The following CTNNA3 variants were observed in gnomAD, a reference collection of about 807,000 sequenced individuals.
CTNNA3 encodes catenin alpha 3, also known as catenin alpha-3.
A neutral mutation model predicts 95.7 loss-of-function variants in CTNNA3; 76 were observed. The ratio of observed to expected loss-of-function variants is 0.79; its 90% CI spans 0.66 to 0.96. The LOEUF is 0.96. Among genes scored for constraint, CTNNA3 ranks in the 40% least tolerant of loss-of-function variants. The pLI, the probability that CTNNA3 is intolerant of heterozygous loss-of-function variation, is 0.00. For synonymous variants in CTNNA3, 431 were observed against 374.4 expected, an observed-to-expected ratio of 1.15 and a Z score of -1.74; for missense variants, 1,191 against 1,089.8, an observed-to-expected ratio of 1.09 and a Z score of -1.31.
intron 5 of CTNNA3, among the ~76,000 whole-genome samples, chr10:67,403,713 G>A (rs1286007245): frequency 1.3e-5 from 2 of 152,202 alleles, no homozygotes; most frequent in Admixed American, 1.3e-4. Flanking sequence ...AAAAACGCAG[G>A]AAGGCTGCTT....
chr10:66,567,093 G>GT (rs1842736098), intron 10 of CTNNA3, among the ~76,000 whole-genome samples: 1 of 24,280 alleles, frequency 4.1e-5, no homozygotes, highest in Admixed American at 5.0e-4. Flanking sequence ...GAGTGGGGAG[G>GT]GGTTTAGGTG....
chr10:66,056,446 G>C (rs556960287), intron 15 of CTNNA3, among the ~76,000 whole-genome samples: 1 of 152,014 alleles, frequency 6.6e-6, no homozygotes, highest in African/African-American at 2.4e-5. Context: ...ATTTTGTTGA[G>C]TATTTTTTTT....
intron 15 of CTNNA3, among the ~76,000 whole-genome samples, chr10:66,012,562 A>T (rs1025262362): frequency 1.3e-5 from 2 of 152,238 alleles, no homozygotes; most frequent in African/African-American, 4.8e-5. Flanking sequence ...CTGCATAAAA[A>T]ATACATAATC....
At chr10:67,162,075 A>G (rs1861573400) in intron 7 of CTNNA3, among the ~76,000 whole-genome samples, 1 of 152,096 alleles carries the variant, frequency 6.6e-6, no homozygotes, top group Non-Finnish European at 1.5e-5. Flanking sequence ...ATTCACAGTT[A>G]TAGCTGTAGA....
intron 3 of CTNNA3, among the ~76,000 whole-genome samples, chr10:67,592,374 A>T (rs563581572): frequency 6.6e-5 from 10 of 152,136 alleles, no homozygotes; most frequent in Non-Finnish European, 1.3e-4. Flanking sequence ...TGGGGGCAGC[A>T]GGAGTAAAAT....
intron 4 of CTNNA3, among the ~76,000 whole-genome samples, chr10:67,538,156 C>CAAAAAAAAAAAAA (rs1840543268): frequency 4.3e-5 from 1 of 23,146 alleles, no homozygotes; most frequent in African/African-American, 2.8e-4. Flanking sequence ...GCTACTTAAA[C>CAAAAAAAAAAAAA]TAAAAAAAAA....
At chr10:67,298,537 G>C (rs1840135624) in intron 5 of CTNNA3, among the ~76,000 whole-genome samples, 1 of 152,158 alleles carries the variant, frequency 6.6e-6, no homozygotes, top group South Asian at 2.1e-4. Flanking sequence ...CTGCCTGTTA[G>C]GCCGAATTAG....
At chr10:67,188,653 A>G (rs778919036) in intron 6 of CTNNA3, among the ~76,000 whole-genome samples, 3 of 152,206 alleles carry the variant, frequency 2.0e-5, no homozygotes, top group Non-Finnish European at 2.9e-5. Context: ...TATATATCCA[A>G]GGGAAATGAA....
chr10:67,708,943 ATAC>A (rs1589577531), intron 1 of CTNNA3, among the ~76,000 whole-genome samples: 1 of 151,660 alleles, frequency 6.6e-6, no homozygotes, highest in East Asian at 1.9e-4. Flanking sequence ...CAAACTGACT[ATAC>A]TAACTCATTA....
At chr10:65,980,933 A>G (rs900384251) in intron 16 of CTNNA3, among the ~76,000 whole-genome samples, 1 of 152,126 alleles carries the variant, frequency 6.6e-6, no homozygotes, top group Non-Finnish European at 1.5e-5. Flanking sequence ...TAACTGGGAC[A>G]AGACAAGGAT....
intron 13 of CTNNA3, among the ~76,000 whole-genome samples, chr10:66,219,930 C>A (rs527571683): frequency 6.6e-6 from 1 of 152,002 alleles, no homozygotes; most frequent in African/African-American, 2.4e-5. Context: ...TTGAGACAAG[C>A]CTGGTCAACA....
At chr10:66,343,400 AG>A (rs1345836256) in intron 12 of CTNNA3, among the ~76,000 whole-genome samples, 2 of 152,174 alleles carry the variant, frequency 1.3e-5, no homozygotes, top group Admixed American at 1.3e-4. Flanking sequence ...AGCCATAAAA[AG>A]AATGAAATCC....
chr10:66,243,260 T>C (rs1326651816), intron 13 of CTNNA3, among the ~76,000 whole-genome samples: 1 of 152,216 alleles, frequency 6.6e-6, no homozygotes, highest in African/African-American at 2.4e-5. Context: ...TAAACAGCCC[T>C]GTAAAGCTGC....
At chr10:66,503,368 A>C (rs1373184966) in intron 11 of CTNNA3, among the ~76,000 whole-genome samples, 1 of 152,210 alleles carries the variant, frequency 6.6e-6, no homozygotes, top group Non-Finnish European at 1.5e-5. Flanking sequence ...ACATTTTCAA[A>C]GAGGCATTTA....
intron 13 of CTNNA3, among the ~76,000 whole-genome samples, chr10:66,279,484 A>G (rs538843542): frequency 4.1e-4 from 63 of 152,156 alleles, no homozygotes; most frequent in African/African-American, 1.5e-3. Flanking sequence ...CCTGAACATG[A>G]GGTTCAGGTG....
In CTNNA3 at chr10:66,719,603, ATTG is replaced by A. The variant is rs1483312153; in HGVS notation, c.1281+46658_1281+46660del. ...CAGAAAAACTGCTATGACCAGAAGTATTGCAGAGACCAGGGTAACCAGAAGCAC... is the reference window on the plus strand; with the variant it reads ...CAGAAAAACTGCTATGACCAGAAGTACAGAGACCAGGGTAACCAGAAGCAC... On this transcript the variant is annotated intron_variant, in intron 9 of 17. Coordinates refer to ENST00000433211, the MANE Select transcript of CTNNA3 (RefSeq NM_013266.4). Among the ~76,000 whole-genome samples the A allele has an allele frequency of 7.6e-4, 116 of 152,288 alleles. 1 individual carries two copies. Among genetic ancestry groups the A allele is most frequent in the African/African-American group, 2.6e-3 (110 of 41,574 alleles).
At chr10:66,761,966 C>T (rs1839617325) in intron 9 of CTNNA3, among the ~76,000 whole-genome samples, 1 of 152,058 alleles carries the variant, frequency 6.6e-6, no homozygotes, top group African/African-American at 2.4e-5. Flanking sequence ...CTAGCATTCA[C>T]AAAGTCAATA....
chr10:66,870,776 A>AT (rs1167013558), intron 7 of CTNNA3, among the ~76,000 whole-genome samples: 8 of 152,038 alleles, frequency 5.3e-5, no homozygotes, highest in Admixed American at 1.3e-4. Flanking sequence ...TGCAGTTCAA[A>AT]TTTTTTCCTT....
intron 7 of CTNNA3, among the ~76,000 whole-genome samples, chr10:66,816,549 G>C (rs1420098040): frequency 6.6e-6 from 1 of 152,000 alleles, no homozygotes; most frequent in Admixed American, 6.6e-5. Flanking sequence ...AGTATTGAAA[G>C]AACAAATAGA....
Sources: gnomAD v4.1 joint callset for allele counts (sites outside exome capture counted in the v4.1 genomes callset) on GRCh38, gnomAD v4.1.1 for gene constraint, MANE v1.5 for transcripts, NCBI Gene and HGNC (gene_info 2026-07-23, HGNC 2026-07-21) for gene names.